Variants in DNAH12 observed in about 807,000 individuals in gnomAD.
DNAH12 encodes the protein dynein axonemal heavy chain 12, also known as axonemal beta dynein heavy chain 12.
A neutral mutation model predicts 371.5 loss-of-function variants in DNAH12; 285 were observed. The observed-to-expected ratio is 0.77, with a 90% CI of 0.70 to 0.85. DNAH12 has a LOEUF of 0.85. Among genes scored for constraint, DNAH12 ranks in the 40% least tolerant of loss-of-function variants. DNAH12 has a pLI of 0.00. For missense variants in DNAH12, 3,611 were observed against 3,689.4 expected (o/e 0.98, Z 0.55); for synonymous variants, 1,200 against 1,213.0 (o/e 0.99, Z 0.22).
chr3:57,536,674 A>T (rs2069059309), intron 2 of DNAH12, among the ~76,000 whole-genome samples: 1 of 152,290 alleles, frequency 6.6e-6, no homozygotes, highest in South Asian at 2.1e-4. Flanking sequence ...AGTGATTGCT[A>T]CTTCCAAGGA....
Position 57,510,826 on chromosome 3 carries a change from A to G in DNAH12, c.433T>C (p.Ser145Pro). ...TTCATGCTGTTTTCAAAGTCACTTG[A>G]CACCTCATTTATGAGACTTTCAAGA... ...ELLESLINEV[S>P]SDFENSMKRY... The change falls in exon 5 of 74, where the codon TCA becomes CCA. Residue 145 changes from serine to proline, a missense_variant. By Grantham distance (74) the Ser-to-Pro change is moderately conservative. This residue lies in a region of DNAH12 where 1,314 missense variants were observed against 1,398.7 expected (regional missense o/e 0.94). Coordinates refer to ENST00000495027, the MANE Select transcript of DNAH12 (RefSeq NM_001366028.2). 6.2e-7 allele frequency: 1 copy of G among 1,614,014 alleles called. No individual in the cohort carries two copies. Among genetic ancestry groups the G allele is most frequent in the African/African-American group, 1.3e-5 (1 of 75,018 alleles).
chr3:57,427,625 G>T (rs1207197064), intron 34 of DNAH12, among the ~76,000 whole-genome samples: 1 of 152,132 alleles, frequency 6.6e-6, no homozygotes, highest in East Asian at 1.9e-4. Flanking sequence ...GGGAGACAGA[G>T]GTTGCGGTGA....
intron 12 of DNAH12, 141 bp downstream of exon 12, chr3:57,489,368 G>T: frequency 1.3e-6 from 1 of 748,728 alleles, no homozygotes. Flanking sequence ...GGACTACAAA[G>T]GCACCTCTAT....
In DNAH12 at chr3:57,504,239, A is replaced by G. The variant is rs748991069; in HGVS notation, c.898-35T>C. On this transcript the variant is annotated intron_variant, in intron 8 of 73. Coordinates refer to ENST00000495027, the MANE Select transcript of DNAH12 (RefSeq NM_001366028.2). ...ATAAATCACTGTTACTTTAGAGAGTACAAATTCAACCTTTAACTAAAATCA... is the reference window on the plus strand; with the variant it reads ...ATAAATCACTGTTACTTTAGAGAGTGCAAATTCAACCTTTAACTAAAATCA... 47 of 1,556,994 alleles carry G rather than the reference A, an allele frequency of 3.0e-5. No individual in the cohort carries two copies. The East Asian group carries it at 1.0e-3, about 34-fold the overall frequency.
intron 14 of DNAH12, 143 bp downstream of exon 14, chr3:57,472,403 G>T: frequency 1.0e-6 from 1 of 990,596 alleles, no homozygotes; most frequent in Non-Finnish European, 1.5e-6. Flanking sequence ...AGCCTAGAGG[G>T]CCATAAGTGT....
intron 65 of DNAH12, among the ~76,000 whole-genome samples, chr3:57,315,800 G>GTTGCCC (rs1436350138): frequency 6.6e-6 from 1 of 152,160 alleles, no homozygotes; most frequent in African/African-American, 2.4e-5. Flanking sequence ...ATAGTTGAAG[G>GTTGCCC]TTGCCCCTGG....
chr3:57,466,494 G>C (rs1003972766), intron 17 of DNAH12, among the ~76,000 whole-genome samples: 2 of 152,160 alleles, frequency 1.3e-5, no homozygotes, highest in African/African-American at 4.8e-5. Context: ...TCCAATCACA[G>C]AGTTTGCACT....
chr3:57,469,971 G>A (rs190603244), intron 16 of DNAH12, among the ~76,000 whole-genome samples: 9 of 152,046 alleles, frequency 5.9e-5, no homozygotes, highest in Non-Finnish European at 1.2e-4. Context: ...ACATGTTACC[G>A]AATCTAAAAT....
chr3:57,523,110 C>G (rs1429478037), intron 4 of DNAH12, among the ~76,000 whole-genome samples: 2 of 152,094 alleles, frequency 1.3e-5, no homozygotes, highest in Non-Finnish European at 2.9e-5. Flanking sequence ...TGGCCGGGCA[C>G]AGTGGCTCAA....
chr3:57,427,046 C>A (rs960744570), intron 34 of DNAH12, among the ~76,000 whole-genome samples: 9 of 151,666 alleles, frequency 5.9e-5, no homozygotes, highest in Non-Finnish European at 1.3e-4. Context: ...TTTTAAATGG[C>A]ACTTTTTTCT....
intron 11 of DNAH12, among the ~76,000 whole-genome samples, chr3:57,499,630 C>CAAAAAAAAAAAAAAAAAAAAAAAAAA (rs1220632097): frequency 6.7e-5 from 1 of 14,890 alleles, no homozygotes; most frequent in Non-Finnish European, 1.1e-4. Flanking sequence ...ACCATCTCTA[C>CAAAAAAAAAAAAAAAAAAAAAAAAAA]AAAAAAAAAA....
intron 2 of DNAH12, among the ~76,000 whole-genome samples, chr3:57,540,092 C>A (rs1352037004): frequency 2.6e-5 from 4 of 151,844 alleles, no homozygotes; most frequent in Admixed American, 6.6e-5. Context: ...CGCTCTGTTG[C>A]CAGGCTGGAG....
chr3:57,361,613 A>G (rs1163562667), intron 58 of DNAH12, among the ~76,000 whole-genome samples: 1 of 151,786 alleles, frequency 6.6e-6, no homozygotes, highest in East Asian at 1.9e-4. Context: ...TTAATGTCTA[A>G]GAATCTCTAT....
At chr3:57,380,562 T>C (rs946714665) in intron 50 of DNAH12, among the ~76,000 whole-genome samples, 195 bp from the exon 51 acceptor site, 1 of 152,200 alleles carries the variant, frequency 6.6e-6, no homozygotes, top group Non-Finnish European at 1.5e-5. Context: ...CCTCCCAGGT[T>C]CAAGTGATTC....
chr3:57,526,513 G>A (rs943570530), intron 2 of DNAH12, among the ~76,000 whole-genome samples: 1 of 150,912 alleles, frequency 6.6e-6, no homozygotes, highest in Non-Finnish European at 1.5e-5. Context: ...TGGACACTGA[G>A]GTTGTTTCCA....
At chr3:57,429,347 T>G (rs2064884560) in intron 33 of DNAH12, among the ~76,000 whole-genome samples, 1 of 152,076 alleles carries the variant, frequency 6.6e-6, no homozygotes, top group East Asian at 1.9e-4. Flanking sequence ...TGGCTAATTG[T>G]GTATTTTTAG....
intron 2 of DNAH12, among the ~76,000 whole-genome samples, chr3:57,536,522 C>G (rs949035748): frequency 9.2e-5 from 14 of 152,124 alleles, no homozygotes; most frequent in Admixed American, 6.5e-4. Context: ...CTTACTAAGC[C>G]TGTACTAAAC....
intron 45 of DNAH12, among the ~76,000 whole-genome samples, 160 bp downstream of exon 45, chr3:57,391,712 T>A (rs1030556650): frequency 1.3e-5 from 2 of 152,354 alleles, no homozygotes; most frequent in East Asian, 1.9e-4. Context: ...GTGAGGATCA[T>A]GTAGTCTTAT....
intron 37 of DNAH12, among the ~76,000 whole-genome samples, chr3:57,417,237 T>G (rs186603396): frequency 6.9e-6 from 1 of 145,954 alleles, no homozygotes; most frequent in African/African-American, 2.6e-5. Flanking sequence ...GCAAGAAGAG[T>G]GAAACACCTT....
Sources: gnomAD v4.1 joint callset for allele counts (sites outside exome capture counted in the v4.1 genomes callset) on GRCh38, gnomAD v4.1.1 for gene constraint, gnomAD v4.1.1 regional missense constraint, MANE v1.5 for transcripts, NCBI Gene and HGNC (gene_info 2026-07-23, HGNC 2026-07-21) for gene names.